Variants in RORA observed in about 807,000 individuals in gnomAD.
RORA encodes nuclear receptor ROR-alpha.
In RORA, 7 loss-of-function variants were observed where a neutral mutation model predicts 69.5. That is an observed-to-expected ratio of 0.10 (90% CI 0.06 to 0.19). The LOEUF (loss-of-function observed/expected upper bound fraction) is 0.19, where lower values mean the gene tolerates loss of function less well. Ranked by LOEUF, RORA falls within the 10% of genes least tolerant of loss-of-function variation. The pLI, the probability that RORA is intolerant of heterozygous loss-of-function variation, is 1.00. For missense variants in RORA, 457 were observed against 663.0 expected (o/e 0.69, Z 3.41); for synonymous variants, 261 against 240.8 (o/e 1.08, Z -0.78).
At chr15:60,974,132 G>A (rs1030098730) in intron 1 of RORA, among the ~76,000 whole-genome samples, 3 of 152,218 alleles carry the variant, frequency 2.0e-5, no homozygotes, top group Non-Finnish European at 1.5e-5. Context: ...AACAGAGGAG[G>A]AGGGATGCCC....
chr15:60,848,608 G>C (rs1190683531), intron 1 of RORA: 1 of 152,380 alleles, frequency 6.6e-6, no homozygotes, highest in Admixed American at 6.5e-5. Flanking sequence ...TATAAAGAGA[G>C]GGGGTTTAAT....
intron 2 of RORA, among the ~76,000 whole-genome samples, chr15:60,562,896 A>T (rs2067613591): frequency 6.6e-6 from 1 of 152,178 alleles, no homozygotes; most frequent in Non-Finnish European, 1.5e-5. Context: ...TGTTATTTAA[A>T]TATAAATTCT....
Position 60,592,448 on chromosome 15 carries a change from G to A in RORA, c.197-60597C>T, listed in dbSNP as rs1347088775. 6 of 1,412,072 alleles carry A rather than the reference G, an allele frequency of 4.2e-6. No individual in the cohort carries two copies. In the African/African-American group the frequency reaches 6.0e-5, roughly 14 times the overall value. The allele number at this position is 1,412,072 out of a possible 1,614,324, so 87.5% of individuals were successfully genotyped here. On this transcript the variant is annotated intron_variant, in intron 2 of 10. Coordinates refer to ENST00000335670, the MANE Select transcript of RORA (RefSeq NM_134261.3). ...CCGCGGTGCGGAGAGCGCAGGGAGAGCGGATGGTCCGACCCCGGAGCCCCC... is the reference window on the plus strand; with the variant it reads ...CCGCGGTGCGGAGAGCGCAGGGAGAACGGATGGTCCGACCCCGGAGCCCCC...
At chr15:60,690,484 C>G (rs1195766118) in intron 1 of RORA, among the ~76,000 whole-genome samples, 1 of 152,212 alleles carries the variant, frequency 6.6e-6, no homozygotes. Flanking sequence ...GTGAGCAGAG[C>G]TTCCTTGGCA....
chr15:60,711,096 A>C (rs1418863956), intron 1 of RORA, among the ~76,000 whole-genome samples: 1 of 152,128 alleles, frequency 6.6e-6, no homozygotes, highest in Non-Finnish European at 1.5e-5. Context: ...CTGCAGCCCA[A>C]TTTGGGCACA....
At chr15:60,853,641 A>G (rs1195780576) in intron 1 of RORA, among the ~76,000 whole-genome samples, 1 of 152,204 alleles carries the variant, frequency 6.6e-6, no homozygotes. Context: ...GCCTTGATAC[A>G]AGTGCAGGGA....
intron 2 of RORA, among the ~76,000 whole-genome samples, chr15:60,544,092 C>A (rs2066992282): frequency 6.6e-6 from 1 of 152,310 alleles, no homozygotes; most frequent in East Asian, 1.9e-4. Flanking sequence ...ACTGCCTGTG[C>A]AGTGAGCAAA....
chr15:61,117,940 T>C (rs758737750), intron 1 of RORA, among the ~76,000 whole-genome samples: 8 of 152,222 alleles, frequency 5.3e-5, no homozygotes. Context: ...GGGCTCAAGA[T>C]ACCTGGGTTC....
chr15:60,575,062 G>A (rs1013662658), intron 2 of RORA, among the ~76,000 whole-genome samples: 1 of 151,862 alleles, frequency 6.6e-6, no homozygotes, highest in Non-Finnish European at 1.5e-5. Flanking sequence ...AGCTAAACCA[G>A]AAGGCCACCG....
chr15:61,053,868 T>TATATATA (rs1375180186), intron 1 of RORA, among the ~76,000 whole-genome samples: 2 of 140,250 alleles, frequency 1.4e-5, no homozygotes, highest in African/African-American at 2.7e-5. Context: ...TATATAAACA[T>TATATATA]TCTTCAGGGA....
intron 2 of RORA, among the ~76,000 whole-genome samples, chr15:60,575,258 T>A (rs2067992453): frequency 6.6e-6 from 1 of 152,226 alleles, no homozygotes; most frequent in South Asian, 2.1e-4. Context: ...TTCCTTCCCA[T>A]TTGACTAGCA....
intron 1 of RORA, among the ~76,000 whole-genome samples, chr15:61,004,660 T>G (rs2140384694): frequency 6.6e-6 from 1 of 152,316 alleles, no homozygotes; most frequent in South Asian, 2.1e-4. Flanking sequence ...GAAGCTGAAC[T>G]TTAATTTTAT....
intron 1 of RORA, among the ~76,000 whole-genome samples, chr15:61,119,082 G>A (rs924909653): frequency 7.6e-6 from 1 of 130,810 alleles, no homozygotes; most frequent in African/African-American, 2.8e-5. Context: ...GTTAACAGAA[G>A]GGGGGGGGGG....
Position 61,213,464 on chromosome 15 carries a change from C to T in RORA, c.166+15589G>A, listed in dbSNP as rs545296513. ...CCGAAATGCTTAGGCTCGCCCCTGC[C>T]TACTTTCTCCAACCTTATCTCCTAC... On this transcript the variant is annotated intron_variant, in intron 1 of 10. Transcript: ENST00000335670. This position sits in a 1 kb window ranked among gnomAD's most constrained non-coding sequence, Gnocchi z 4.1. 9.2e-5 allele frequency among the ~76,000 whole-genome samples: 14 copies of T among 152,300 alleles called. No individual in the cohort carries two copies. Among genetic ancestry groups the T allele is most frequent in the African/African-American group, 2.4e-4 (10 of 41,568 alleles).
intron 3 of RORA, among the ~76,000 whole-genome samples, chr15:60,515,965 A>ATATACATT (rs2065871455): frequency 4.3e-5 from 1 of 23,020 alleles, no homozygotes; most frequent in Middle Eastern, 0.038. Context: ...ATTTATATTT[A>ATATACATT]TATATATTTA....
intron 1 of RORA, among the ~76,000 whole-genome samples, chr15:61,078,520 G>C (rs944283268): frequency 6.6e-6 from 1 of 152,122 alleles, no homozygotes; most frequent in Non-Finnish European, 1.5e-5. Context: ...CTTTAAACAG[G>C]TTCTGCCATT....
chr15:61,103,391 G>A (rs866848895), intron 1 of RORA, among the ~76,000 whole-genome samples: 4 of 152,126 alleles, frequency 2.6e-5, no homozygotes, highest in Middle Eastern at 3.2e-3. Context: ...CTTTGATTCC[G>A]GTAAACTCAG....
At chr15:60,814,386 T>G (rs531003606) in intron 1 of RORA, among the ~76,000 whole-genome samples, 1 of 152,322 alleles carries the variant, frequency 6.6e-6, no homozygotes, top group East Asian at 1.9e-4. Flanking sequence ...ATGGTATCTT[T>G]TTCTCTTTCC....
chr15:60,909,522 T>G (rs1163228908), intron 1 of RORA, among the ~76,000 whole-genome samples: 1 of 152,016 alleles, frequency 6.6e-6, no homozygotes, highest in Non-Finnish European at 1.5e-5. Context: ...CATAAATAAA[T>G]GGAGAAAGAT....
Sources: gnomAD v4.1 joint callset for allele counts (sites outside exome capture counted in the v4.1 genomes callset) on GRCh38, gnomAD v4.1.1 for gene constraint, Gnocchi (gnomAD v3.1) non-coding constraint, MANE v1.5 for transcripts, NCBI Gene and HGNC (gene_info 2026-07-23, HGNC 2026-07-21) for gene names.